ZBTB20: variants seen among roughly 807,000 people sequenced by gnomAD.
ZBTB20 encodes zinc finger and BTB domain containing 20, also known as zinc finger and BTB domain-containing protein 20.
ZBTB20 carries 9 observed loss-of-function variants against 56.9 expected under a neutral mutation model. The observed-to-expected ratio is 0.16, with a 90% CI of 0.10 to 0.28. The LOEUF (loss-of-function observed/expected upper bound fraction) is 0.28. Ranked by LOEUF, ZBTB20 falls within the 10% of genes least tolerant of loss-of-function variation. The pLI, the probability that ZBTB20 is intolerant of heterozygous loss-of-function variation, is 1.00. For missense variants in ZBTB20, 655 were observed against 1,003.0 expected (o/e 0.65, Z 4.69); for synonymous variants, 417 against 420.7 (o/e 0.99, Z 0.11).
chr3:114,809,079 C>T (rs2072327882), intron 4 of ZBTB20, among the ~76,000 whole-genome samples: 1 of 10,236 alleles, frequency 9.8e-5, no homozygotes, highest in Non-Finnish European at 4.2e-4. Context: ...CTGTATGTAA[C>T]AGTCTTTTTT....
intron 1 of ZBTB20, among the ~76,000 whole-genome samples, chr3:115,081,587 T>G (rs1216861001): frequency 6.6e-6 from 1 of 152,124 alleles, no homozygotes; most frequent in South Asian, 2.1e-4. Context: ...ATAATAATAA[T>G]GCAAATGTAT....
chr3:114,427,562 G>GAGGAGA (rs926562584), intron 7 of ZBTB20, among the ~76,000 whole-genome samples: 3 of 152,236 alleles, frequency 2.0e-5, no homozygotes, highest in African/African-American at 7.2e-5. Context: ...GCAGACCGAA[G>GAGGAGA]AGGAGAAGGT....
intron 6 of ZBTB20, among the ~76,000 whole-genome samples, chr3:114,638,190 CT>C (rs1269489344): frequency 6.6e-6 from 1 of 152,040 alleles, no homozygotes; most frequent in African/African-American, 2.4e-5. Context: ...AGGCAAGTTT[CT>C]GAGAAAGCTT....
At chr3:114,727,227 A>T (rs560823601) in intron 5 of ZBTB20, among the ~76,000 whole-genome samples, 1 of 152,322 alleles carries the variant, frequency 6.6e-6, no homozygotes, top group Admixed American at 6.5e-5. Context: ...ACTTGAAGAC[A>T]ACTTAATCAC....
Position 114,806,360 on chromosome 3 carries a change from G to A in ZBTB20, c.-416-5186C>T, listed in dbSNP as rs569543664. ...AATAATGTTGACCATGTTTTCAAGT[G>A]CTTATTAGGCATGACTTCATCTTCT... is the stretch of plus-strand genomic sequence containing the variant. On this transcript the variant is annotated intron_variant, in intron 4 of 11. Coordinates refer to ENST00000675478, the MANE Select transcript of ZBTB20 (RefSeq NM_001348800.3). 9.9e-5 allele frequency among the ~76,000 whole-genome samples: 15 copies of A among 151,962 alleles called. No homozygotes were observed. In the South Asian group the frequency reaches 3.1e-3, roughly 32 times the overall value.
At chr3:114,440,317 G>A (rs1225683912) in intron 7 of ZBTB20, among the ~76,000 whole-genome samples, 3 of 151,986 alleles carry the variant, frequency 2.0e-5, no homozygotes, top group Admixed American at 6.6e-5. Context: ...TAGGTTAAGC[G>A]ATTTGTCCTG....
At chr3:114,368,106 G>C (rs2733419) in intron 10 of ZBTB20, among the ~76,000 whole-genome samples, 3,997 of 152,246 alleles carry the variant, frequency 0.026, 183 homozygotes, top group African/African-American at 0.09. Context: ...TTCTGGTGCT[G>C]CTTTAAGGGC....
At chr3:114,751,198 G>C (rs956419005) in intron 5 of ZBTB20, among the ~76,000 whole-genome samples, 22 of 152,214 alleles carry the variant, frequency 1.4e-4, no homozygotes, top group South Asian at 1.0e-3. Flanking sequence ...GGACTTTTAT[G>C]TGTTATTATT....
At chr3:114,745,547 G>C (rs1015059715) in intron 5 of ZBTB20, among the ~76,000 whole-genome samples, 1 of 152,072 alleles carries the variant, frequency 6.6e-6, no homozygotes, top group Non-Finnish European at 1.5e-5. Context: ...CCCTTCCTTT[G>C]TTCTGTCTCT....
At chr3:114,894,998 A>C (rs548958269) in intron 4 of ZBTB20, among the ~76,000 whole-genome samples, 2 of 152,248 alleles carry the variant, frequency 1.3e-5, no homozygotes, top group East Asian at 3.9e-4. Flanking sequence ...ATTTTAAAAG[A>C]ATCCTTTTCT....
chr3:114,785,188 T>C (rs1456540462), intron 5 of ZBTB20, among the ~76,000 whole-genome samples: 2 of 152,192 alleles, frequency 1.3e-5, no homozygotes, highest in Non-Finnish European at 1.5e-5. Context: ...AAATAGGAGT[T>C]GACAAACCTT....
chr3:114,489,157 G>A (rs945933917), intron 7 of ZBTB20, among the ~76,000 whole-genome samples: 3 of 152,062 alleles, frequency 2.0e-5, no homozygotes, highest in Non-Finnish European at 4.4e-5. Context: ...AAAACTAAAT[G>A]TATACTTTTT....
At chr3:114,498,859 G>A (rs1431191835) in intron 7 of ZBTB20, among the ~76,000 whole-genome samples, 1 of 152,150 alleles carries the variant, frequency 6.6e-6, no homozygotes, top group African/African-American at 2.4e-5. Flanking sequence ...CAGGTCCCCT[G>A]TACTGCTTGT....
intron 5 of ZBTB20, among the ~76,000 whole-genome samples, chr3:114,697,568 G>A (rs1368705641): frequency 6.6e-6 from 1 of 151,844 alleles, no homozygotes; most frequent in Non-Finnish European, 1.5e-5. Context: ...CTGTGGAAAA[G>A]TAAAATTATG....
chr3:114,718,741 T>G (rs1041379676), intron 5 of ZBTB20, among the ~76,000 whole-genome samples: 1 of 152,012 alleles, frequency 6.6e-6, no homozygotes, highest in African/African-American at 2.4e-5. Flanking sequence ...CACTTGCCAC[T>G]TAGGAGTAGA....
chr3:115,053,989 T>C (rs1486278462), intron 2 of ZBTB20, among the ~76,000 whole-genome samples: 1 of 152,140 alleles, frequency 6.6e-6, no homozygotes, highest in East Asian at 1.9e-4. Context: ...TCATATTAAA[T>C]TGTTTAAATT....
At chr3:114,707,619 T>G (rs2063791181) in intron 5 of ZBTB20, among the ~76,000 whole-genome samples, 1 of 152,204 alleles carries the variant, frequency 6.6e-6, no homozygotes, top group Admixed American at 6.5e-5. Context: ...CCCTGACCTA[T>G]GAGTGTCCCC....
chr3:115,107,387 T>C (rs935338584), intron 1 of ZBTB20, among the ~76,000 whole-genome samples: 1 of 150,938 alleles, frequency 6.6e-6, no homozygotes, highest in African/African-American at 2.4e-5. Flanking sequence ...ACCACTGCAC[T>C]GCAACCTGGG....
chr3:115,130,500 C>T (rs1200215156), intron 1 of ZBTB20, among the ~76,000 whole-genome samples: 1 of 152,202 alleles, frequency 6.6e-6, no homozygotes, highest in Non-Finnish European at 1.5e-5. Flanking sequence ...CATGTCAGCT[C>T]TGATGTGGGC....
Sources: allele counts gnomAD v4.1 joint callset (sites outside exome capture counted in the v4.1 genomes callset), GRCh38; gene constraint gnomAD v4.1.1; transcripts MANE v1.5; gene names NCBI Gene and HGNC (gene_info 2026-07-23, HGNC 2026-07-21).